The following POP4 variants were observed in gnomAD, a reference collection of about 807,000 sequenced individuals.
POP4 encodes the protein ribonuclease P protein subunit p29.
Under a neutral mutation model 29.9 loss-of-function variants are expected in POP4, and 31 were observed. That is an observed-to-expected ratio of 1.04 (90% CI 0.78 to 1.40). The LOEUF (loss-of-function observed/expected upper bound fraction) is 1.40, where lower values mean the gene tolerates loss of function less well. POP4 is among the 40% of genes most tolerant of loss of function. The pLI, the probability that POP4 is intolerant of heterozygous loss-of-function variation, is 0.00. For missense variants in POP4, 286 were observed against 282.7 expected (o/e 1.01, Z -0.08); for synonymous variants, 110 against 108.2 (o/e 1.02, Z -0.10).
rs534349099 is a variant in POP4 at position 29,616,678 on chromosome 19, T to A, written c.*1298T>A. On this transcript the variant is annotated 3_prime_UTR_variant, in exon 7 of 7. Transcript: ENST00000585603. The stretch of plus-strand genomic sequence containing the variant: ...CAGAGTCTCACAGGGACCAACACGG[T>A]GCCTCGGTCCTGCTTCCATCCATGC... The A allele has an allele frequency of 1.1e-4, 17 of 152,640 alleles. No individual in the cohort carries two copies. The highest frequency in any genetic ancestry group is 4.1e-4 in the African/African-American group (17 of 41,570). The allele number at this position is 152,640 out of a possible 1,614,324, so 9.5% of individuals were successfully genotyped here.
rs1325629165 is a variant in POP4, at chr19:29,606,289, T to G, written c.-30T>G. On this transcript the variant is annotated 5_prime_UTR_variant, in exon 1 of 7. Coordinates refer to ENST00000585603, the MANE Select transcript of POP4 (RefSeq NM_006627.3). ...GTCTGCGACAGCAGCTGCCAGTGCG[T>G]CATCAGAGAGCGCCGGAAGCGGTCC... is the stretch of plus-strand genomic sequence containing the variant. 5 of 1,599,212 alleles carry G rather than the reference T, an allele frequency of 3.1e-6. No individual in the cohort carries two copies. In the South Asian group the frequency reaches 5.6e-5, roughly 18 times the overall value.
intron 1 of POP4, among the ~76,000 whole-genome samples, chr19:29,607,464 CAACA>C (rs1971012424): frequency 2.1e-4 from 8 of 39,012 alleles, no homozygotes; most frequent in East Asian, 6.4e-4. Flanking sequence ...AACAAACAAA[CAACA>C]AAAAAAAAAA....
intron 2 of POP4, among the ~76,000 whole-genome samples, chr19:29,609,779 C>T (rs1010656612): frequency 6.6e-6 from 1 of 152,174 alleles, no homozygotes; most frequent in African/African-American, 2.4e-5. Context: ...GAGCCTGGGG[C>T]CTGAGATGCT....
At chr19:29,614,724 A>G (rs192240446) in intron 6 of POP4, among the ~76,000 whole-genome samples, 101 of 152,180 alleles carry the variant, frequency 6.6e-4, no homozygotes, top group African/African-American at 2.4e-3. Context: ...GGCTGGTCTC[A>G]AACTCCTGAA....
In POP4 at chr19:29,608,575, G is replaced by T. The variant is rs1033745824; in HGVS notation, c.8-82G>T. ...ATGAGCCACTGCGCCTAGTGGCGTA[G>T]TTATTTTCATAGTTAGAAAAGTCTT... On this transcript the variant is annotated intron_variant, in intron 1 of 6. Coordinates refer to ENST00000585603, the MANE Select transcript of POP4 (RefSeq NM_006627.3). 283 of 1,416,608 alleles carry T rather than the reference G, an allele frequency of 2.0e-4. 1 individual carries two copies. The highest frequency in any genetic ancestry group is 2.7e-5 in the Non-Finnish European group (27 of 1,004,382). 87.8% of individuals were successfully genotyped at this position (1,416,608 alleles called of 1,614,324 possible).
intron 1 of POP4, chr19:29,606,531 G>A (rs1458072697): frequency 3.7e-6 from 2 of 539,970 alleles, no homozygotes; most frequent in African/African-American, 2.0e-5. Flanking sequence ...GGATGTCAGG[G>A]CTGGAGGCAG....
chr19:29,607,137 C>G (rs1484640037), intron 1 of POP4, among the ~76,000 whole-genome samples: 2 of 152,190 alleles, frequency 1.3e-5, no homozygotes, highest in Non-Finnish European at 2.9e-5. Flanking sequence ...TTTGCTTGAT[C>G]AAACAAACAT....
chr19:29,609,036 G>A (rs926054673), intron 2 of POP4: 8 of 242,078 alleles, frequency 3.3e-5, no homozygotes, highest in Admixed American at 1.1e-4. Flanking sequence ...CTGCACTTCT[G>A]CAGAAGGTGT....
chr19:29,608,448 G>A (rs1243403233), intron 1 of POP4, among the ~76,000 whole-genome samples: 2 of 151,832 alleles, frequency 1.3e-5, no homozygotes, highest in Non-Finnish European at 2.9e-5. Context: ...TGTATTTTTA[G>A]TAGAGACGGG....
At chr19:29,608,307 C>T (rs1421210568) in intron 1 of POP4, among the ~76,000 whole-genome samples, 1 of 131,582 alleles carries the variant, frequency 7.6e-6, no homozygotes, top group Non-Finnish European at 1.5e-5. Flanking sequence ...CACTCTGTCA[C>T]CCAGGCTGGA....
At position 29,608,701 on chromosome 19, in the gene POP4, G is replaced by T. The variant is rs144806266; in HGVS notation, c.52G>T (p.Asp18Tyr). 1.2e-6 allele frequency: 2 copies of T among 1,613,814 alleles called. No individual in the cohort carries two copies. The highest frequency in any genetic ancestry group is 1.3e-5 in the African/African-American group (1 of 74,900). The stretch of plus-strand genomic sequence containing the variant: ...GTCTCAGAAAGAGGCGAATGACTCC[G>T]ATGTCCAGGTCAGTTCTTGGCAGGG... ...ALSQKEANDS[D>Y]VQPSGAQRAE... is the part of the protein sequence containing the mutation. Residue 18 changes from aspartate (D) to tyrosine (Y), a missense_variant, in exon 2 of 7, where the codon GAT becomes TAT. By Grantham distance (160) the Asp-to-Tyr change is radical. Transcript: ENST00000585603.
Position 29,610,525 on chromosome 19 carries a change from G to A in POP4, c.177G>A (p.Glu59=), listed in dbSNP as rs2145556712. 2 of 1,612,256 alleles carry A rather than the reference G, an allele frequency of 1.2e-6. No individual in the cohort carries two copies. Among genetic ancestry groups the A allele is most frequent in the East Asian group, 4.5e-5 (2 of 44,852 alleles). Residue 59 remains glutamate (E), a synonymous_variant, in exon 3 of 7, where the codon GAG becomes GAA. Coordinates refer to ENST00000585603, the MANE Select transcript of POP4 (RefSeq NM_006627.3). Reference sequence around the variant, plus strand: ...TGCAGCGCAAGGCGGTGGTCCTGGAGTACTTCACCCGCCACAAGCGCAAGG... The same window carrying A: ...TGCAGCGCAAGGCGGTGGTCCTGGAATACTTCACCCGCCACAAGCGCAAGG... ...DQLQRKAVVL[E]YFTRHKRKEK...
Position 29,610,497 on chromosome 19 carries a change from A to G in POP4, c.149A>G (p.Gln50Arg). Residue 50 changes from glutamine to arginine, a missense_variant, in exon 3 of 7, where the codon CAG (glutamine) becomes CGG (arginine). By Grantham distance (43) the Gln-to-Arg change is conservative. Transcript: ENST00000585603. ...ATGAGCCCGCAGGCCCGCGAGGACC[A>G]GCTGCAGCGCAAGGCGGTGGTCCTG... ...PRMSPQAREDQLQRKAVVLEY... is the reference protein window; with the variant it reads ...PRMSPQAREDRLQRKAVVLEY... The G allele has an allele frequency of 6.2e-7, 1 of 1,612,130 alleles. No individual in the cohort carries two copies. Among genetic ancestry groups the G allele is most frequent in the Non-Finnish European group, 8.5e-7 (1 of 1,179,444 alleles).
chr19:29,612,859 C>T (rs574555076), intron 5 of POP4, among the ~76,000 whole-genome samples: 1 of 152,228 alleles, frequency 6.6e-6, no homozygotes, highest in Non-Finnish European at 1.5e-5. Flanking sequence ...TCAGACACAG[C>T]TCCTCACCGC....
At chr19:29,609,763 G>A (rs1971043224) in intron 2 of POP4, among the ~76,000 whole-genome samples, 1 of 152,208 alleles carries the variant, frequency 6.6e-6, no homozygotes, top group Non-Finnish European at 1.5e-5. Context: ...ACCCTTCAGA[G>A]AGAGCGAGCC....
At chr19:29,612,036 C>G in intron 4 of POP4, 81 bp from the exon 5 acceptor site, 5 of 1,586,666 alleles carry the variant, frequency 3.2e-6, no homozygotes, top group Non-Finnish European at 4.3e-6. Flanking sequence ...TATTGCCTGG[C>G]TGCAGACGGT....
intron 2 of POP4, 49 bp downstream of exon 2, chr19:29,608,758 T>A (rs780286863): frequency 3.0e-5 from 47 of 1,553,228 alleles, no homozygotes; most frequent in Non-Finnish European, 3.7e-5. Flanking sequence ...ATGGCAAAGA[T>A]GGCTCAGTAG....
Position 29,612,263 on chromosome 19 carries a change from G to A in POP4, c.424+85G>A. ...GGAGACCCAGGGCGTGTGTTCTGTT[G>A]GACACACTCTTTACCGTGTGGATTC... On this transcript the variant is annotated intron_variant, in intron 5 of 6. Coordinates refer to ENST00000585603, the MANE Select transcript of POP4 (RefSeq NM_006627.3). 8 of 1,275,184 alleles carry A rather than the reference G, an allele frequency of 6.3e-6. No homozygotes were observed. In the South Asian group the frequency reaches 1.1e-4, roughly 18 times the overall value. 79.0% of individuals were successfully genotyped at this position (1,275,184 alleles called of 1,614,324 possible).
At position 29,615,363 on chromosome 19, in the gene POP4, G is replaced by A. The variant is rs377056786; in HGVS notation, c.646G>A (p.Gly216Arg). The A allele has an allele frequency of 2.6e-5, 42 of 1,613,250 alleles. No homozygotes were observed. Among genetic ancestry groups the A allele is most frequent in the Non-Finnish European group, 3.5e-5 (41 of 1,179,788 alleles). Residue 216 changes from glycine (G) to arginine (R), a missense_variant, in exon 7 of 7, where the codon GGA becomes AGA. Physicochemically the swap from Gly to Arg is moderately radical, Grantham distance 125. Coordinates refer to ENST00000585603, the MANE Select transcript of POP4 (RefSeq NM_006627.3). Reference sequence around the variant, plus strand: ...GTCTGCGAAGAAGTTCAAAGCGAAGGGAACGATTGACCTGTGAATTCTTTG... The same window carrying A: ...GTCTGCGAAGAAGTTCAAAGCGAAGAGAACGATTGACCTGTGAATTCTTTG... ...ERSAKKFKAK[G>R]TIDL
Sources: allele counts gnomAD v4.1 joint callset (sites outside exome capture counted in the v4.1 genomes callset), GRCh38; gene constraint gnomAD v4.1.1; transcripts MANE v1.5; gene names NCBI Gene and HGNC (gene_info 2026-07-23, HGNC 2026-07-21).